Variants in FBXO32 observed in about 807,000 individuals in gnomAD.
The protein encoded by FBXO32 is F-box protein 32, also known as F-box only protein 32.
A neutral mutation model predicts 48.3 loss-of-function variants in FBXO32; 15 were observed. The ratio of observed to expected loss-of-function variants is 0.31; its 90% confidence interval spans 0.21 to 0.48. FBXO32 has a LOEUF of 0.48. FBXO32 is among the 20% of genes least tolerant of loss of function. FBXO32 has a pLI of 0.99. For missense variants in FBXO32, 309 were observed against 432.7 expected, an observed-to-expected ratio of 0.71 and a Z score of 2.54; for synonymous variants, 154 against 165.9, an observed-to-expected ratio of 0.93 and a Z score of 0.55.
rs1427351450 is a variant in FBXO32 at position 123,513,586 on chromosome 8, G to A, written c.467-204C>T. Among the ~76,000 whole-genome samples, 2 of 152,042 alleles carry A rather than the reference G, an allele frequency of 1.3e-5. No homozygotes were observed. Among genetic ancestry groups the A allele is most frequent in the African/African-American group, 4.8e-5 (2 of 41,390 alleles). ...AAAGGGTAGAGTTTCCATTATCTAG[G>A]TCCCTCTTTGTTCTCTTCTCTCTCA... On this transcript the variant is annotated intron_variant, in intron 5 of 8. Transcript: ENST00000517956. The surrounding 1 kb of genome is among the most constrained non-coding windows in gnomAD (Gnocchi z 4.3).
rs1816477569 is a variant in FBXO32 at position 123,501,282 on chromosome 8, A to G, written c.*2091T>C. On this transcript the variant is annotated 3_prime_UTR_variant, in exon 9 of 9. Transcript: ENST00000517956. ...CTGAGAAATTGGAGAGAACCTGACAATTATAGAAGAAGTAGCTTTTTATTC... is the reference window on the plus strand; with the variant it reads ...CTGAGAAATTGGAGAGAACCTGACAGTTATAGAAGAAGTAGCTTTTTATTC... 1.3e-5 allele frequency: 2 copies of G among 151,904 alleles called. No homozygotes were observed. The highest frequency in any genetic ancestry group is 1.3e-4 in the Admixed American group (2 of 15,256). 9.4% of individuals were successfully genotyped at this position (151,904 alleles called of 1,614,324 possible).
chr8:123,507,438 GGTGTGTGT>G lies in FBXO32; in HGVS notation c.652-872_652-865del, dbSNP rs200031056. Among the ~76,000 whole-genome samples the G allele has an allele frequency of 9.3e-3, 1,297 of 139,860 alleles. 11 individuals are homozygous for G. Among genetic ancestry groups the G allele is most frequent in the East Asian group, 0.016 (74 of 4,584 alleles). The allele number at this position is 139,860 out of a possible 152,430, so 91.8% of individuals were successfully genotyped here. A position where few individuals can be genotyped will look rare whatever the true frequency, so the allele number is the denominator to read the frequency against. Reference sequence around the variant, plus strand: ...CAATAACACAGAGACTCTGTGCTAGGGTGTGTGTGTGTGTGTGTGTGTGTGTGTGTGTG... The same window carrying G: ...CAATAACACAGAGACTCTGTGCTAGGGTGTGTGTGTGTGTGTGTGTGTGTG... On this transcript the variant is annotated intron_variant, in intron 6 of 8. Transcript: ENST00000517956.
At chr8:123,529,726 AAG>A (rs1817160333) in intron 4 of FBXO32, among the ~76,000 whole-genome samples, 1 of 152,228 alleles carries the variant, frequency 6.6e-6, no homozygotes, top group African/African-American at 2.4e-5. Context: ...CATTTGTTTA[AAG>A]AGAGATAATA....
At chr8:123,527,799 T>A (rs1043047958) in intron 4 of FBXO32, among the ~76,000 whole-genome samples, 1 of 152,198 alleles carries the variant, frequency 6.6e-6, no homozygotes, top group Non-Finnish European at 1.5e-5. Flanking sequence ...TCAATACAGG[T>A]ATGGTTATCC....
rs564689003 is a variant in FBXO32, at chr8:123,506,854, G to C, written c.652-280C>G. 9.2e-5 allele frequency among the ~76,000 whole-genome samples: 14 copies of C among 152,190 alleles called. No individual in the cohort carries two copies. The highest frequency in any genetic ancestry group is 3.1e-4 in the African/African-American group (13 of 41,492). ...CACTCTTAAAGACTCTCCAAATAGC[G>C]CATGTGCTTTACTCAGTTCACACAA... On this transcript the variant is annotated intron_variant, in intron 6 of 8. Coordinates refer to ENST00000517956, the MANE Select transcript of FBXO32 (RefSeq NM_058229.4). This position sits in a 1 kb window ranked among gnomAD's most constrained non-coding sequence, Gnocchi z 4.0.
chr8:123,530,620 ACTTTTT>A (rs1164529160), intron 4 of FBXO32, among the ~76,000 whole-genome samples: 1 of 152,092 alleles, frequency 6.6e-6, no homozygotes, highest in Non-Finnish European at 1.5e-5. Context: ...TTGCTCATTA[ACTTTTT>A]CTTTTTTGAG....
At chr8:123,504,105 T>C (rs1816560736) in intron 8 of FBXO32, among the ~76,000 whole-genome samples, 1 of 150,532 alleles carries the variant, frequency 6.6e-6, no homozygotes, top group Non-Finnish European at 1.5e-5. Context: ...AAAAAAAATC[T>C]ACTGAACATT....
At chr8:123,507,338 G>A (rs1264606102) in intron 6 of FBXO32, among the ~76,000 whole-genome samples, 2 of 152,118 alleles carry the variant, frequency 1.3e-5, no homozygotes, top group South Asian at 2.1e-4. Flanking sequence ...GTCTACAAGA[G>A]TGCCCAGCAC....
intron 1 of FBXO32, among the ~76,000 whole-genome samples, chr8:123,537,415 T>C (rs72709035): frequency 0.065 from 9,829 of 152,022 alleles, 328 homozygotes; most frequent in African/African-American, 0.074. Flanking sequence ...CATACCAAGA[T>C]ACTTTAAGGC....
intron 3 of FBXO32, 67 bp downstream of exon 3, chr8:123,533,109 TTCCCTCCCTACCATA>T: frequency 2.9e-6 from 3 of 1,034,030 alleles, no homozygotes; most frequent in Non-Finnish European, 4.5e-6. Context: ...CCGAAGTAAT[TTCCCTCCCTACCATA>T]TCCCTCCCTG....
chr8:123,537,796 T>G (rs570114725), intron 1 of FBXO32, among the ~76,000 whole-genome samples: 23 of 152,324 alleles, frequency 1.5e-4, no homozygotes, highest in Admixed American at 3.9e-4. Flanking sequence ...CAAGGTAAAC[T>G]TCCTGCTTCC....
At chr8:123,533,116 C>T (rs936632104) in intron 3 of FBXO32, 75 bp downstream of exon 3, 2 of 1,118,744 alleles carry the variant, frequency 1.8e-6, no homozygotes, top group African/African-American at 3.1e-5. Context: ...AATTTCCCTC[C>T]CTACCATATC....
chr8:123,524,265 C>G (rs1274894774), intron 4 of FBXO32, among the ~76,000 whole-genome samples: 1 of 152,150 alleles, frequency 6.6e-6, no homozygotes, highest in Non-Finnish European at 1.5e-5. Flanking sequence ...CATGTCCCCC[C>G]GTCTGTGAGT....
At chr8:123,526,627 C>T (rs1012189571) in intron 4 of FBXO32, among the ~76,000 whole-genome samples, 3 of 152,158 alleles carry the variant, frequency 2.0e-5, no homozygotes, top group African/African-American at 7.2e-5. Flanking sequence ...TACCTCAAAC[C>T]AGTTCCCCTA....
Position 123,499,878 on chromosome 8 carries a change from C to A in FBXO32, c.*3495G>T, listed in dbSNP as rs1419002230. ...AGCATAATACACACCCGCTACCTTA[C>A]TGCCCAAGTGCTAGTAGAACCTGCT... On this transcript the variant is annotated 3_prime_UTR_variant, in exon 9 of 9. Transcript: ENST00000517956. 1.3e-5 allele frequency: 2 copies of A among 152,230 alleles called. No individual in the cohort carries two copies. Among genetic ancestry groups the A allele is most frequent in the Non-Finnish European group, 2.9e-5 (2 of 68,048 alleles). 9.4% of individuals were successfully genotyped at this position (152,230 alleles called of 1,614,324 possible).
chr8:123,524,431 C>T (rs1393219902), intron 4 of FBXO32, among the ~76,000 whole-genome samples: 1 of 152,228 alleles, frequency 6.6e-6, no homozygotes, highest in African/African-American at 2.4e-5. Flanking sequence ...ACCCTGTACC[C>T]TCAAAGTTAA....
intron 4 of FBXO32, among the ~76,000 whole-genome samples, chr8:123,528,608 G>T (rs1817137795): frequency 6.6e-6 from 1 of 152,170 alleles, no homozygotes; most frequent in African/African-American, 2.4e-5. Flanking sequence ...TGAAAATGAT[G>T]TAGAAATGTT....
At chr8:123,505,714 T>C (rs1315456879) in intron 7 of FBXO32, among the ~76,000 whole-genome samples, 1 of 151,826 alleles carries the variant, frequency 6.6e-6, no homozygotes, top group Non-Finnish European at 1.5e-5. Context: ...CCAGCCTGGG[T>C]GACACAGTGA....
At position 123,535,909 on chromosome 8, in the gene FBXO32, G is replaced by C. The variant is rs180794107; in HGVS notation, c.117-1095C>G. 1.0e-4 allele frequency among the ~76,000 whole-genome samples: 15 copies of C among 146,666 alleles called. No individual in the cohort carries two copies. The Admixed American group carries it at 1.0e-3, about 10-fold the overall frequency. On this transcript the variant is annotated intron_variant, in intron 1 of 8. Coordinates refer to ENST00000517956, the MANE Select transcript of FBXO32 (RefSeq NM_058229.4). ...CTCTGCTGAATTTAAAATGTAACTT[G>C]ATTTACATCTTTTTCAGATATACAT... is the stretch of plus-strand genomic sequence containing the variant.
Sources: gnomAD v4.1 joint callset for allele counts (sites outside exome capture counted in the v4.1 genomes callset) on GRCh38, gnomAD v4.1.1 for gene constraint, Gnocchi (gnomAD v3.1) non-coding constraint, MANE v1.5 for transcripts, NCBI Gene and HGNC (gene_info 2026-07-23, HGNC 2026-07-21) for gene names.